Variants in CERS6 observed in about 807,000 individuals in gnomAD.
CERS6 encodes the protein LAG1 homolog, ceramide synthase 6.
Under a neutral mutation model 56.8 loss-of-function variants are expected in CERS6, and 26 were observed. The observed-to-expected ratio is 0.46, with a 90% CI of 0.34 to 0.63. The LOEUF is 0.63. Among genes scored for constraint, CERS6 ranks in the 30% least tolerant of loss-of-function variants. The pLI, the probability that CERS6 is intolerant of heterozygous loss-of-function variation, is 0.01. For missense variants in CERS6, 415 were observed against 467.5 expected (o/e 0.89, Z 1.04); for synonymous variants, 164 against 173.3 (o/e 0.95, Z 0.42).
intron 6 of CERS6, among the ~76,000 whole-genome samples, chr2:168,709,270 T>C (rs146625633): frequency 7.2e-4 from 110 of 152,258 alleles, no homozygotes; most frequent in African/African-American, 2.2e-3. Context: ...GAAACTTTTC[T>C]AGGTTCCCTA....
At chr2:168,699,432 T>G (rs532587766) in intron 6 of CERS6, among the ~76,000 whole-genome samples, 11 of 152,292 alleles carry the variant, frequency 7.2e-5, no homozygotes, top group African/African-American at 2.6e-4. Flanking sequence ...TCAATGGCCA[T>G]TTTCAAACAG....
At chr2:168,459,983 G>A (rs1277901208) in intron 1 of CERS6, among the ~76,000 whole-genome samples, 1 of 152,096 alleles carries the variant, frequency 6.6e-6, no homozygotes, top group Non-Finnish European at 1.5e-5. Context: ...GTATAGATCG[G>A]GAATCAGAAC....
intron 4 of CERS6, among the ~76,000 whole-genome samples, chr2:168,672,088 C>T (rs1299704856): frequency 6.6e-6 from 1 of 152,188 alleles, no homozygotes; most frequent in Non-Finnish European, 1.5e-5. Context: ...GGAGTGAGTA[C>T]AGTGTCATTG....
chr2:168,560,236 A>G (rs1435629074), intron 2 of CERS6, among the ~76,000 whole-genome samples: 1 of 152,186 alleles, frequency 6.6e-6, no homozygotes, highest in Non-Finnish European at 1.5e-5. Context: ...CAGCACAGGA[A>G]AGATCTGCCC....
chr2:168,486,075 A>G (rs1445000645), intron 1 of CERS6, among the ~76,000 whole-genome samples: 1 of 152,058 alleles, frequency 6.6e-6, no homozygotes, highest in Non-Finnish European at 1.5e-5. Context: ...TATCTTATCA[A>G]TTTAATTTGC....
intron 1 of CERS6, among the ~76,000 whole-genome samples, chr2:168,521,119 T>C (rs1426482752): frequency 6.6e-6 from 1 of 152,206 alleles, no homozygotes; most frequent in African/African-American, 2.4e-5. Flanking sequence ...CTTCAGAGAA[T>C]AAATCTGAGC....
At chr2:168,545,197 A>AT (rs960412255) in intron 1 of CERS6, among the ~76,000 whole-genome samples, 12 of 152,150 alleles carry the variant, frequency 7.9e-5, no homozygotes, top group African/African-American at 2.9e-4. Flanking sequence ...AATTATAATA[A>AT]TTTTTTCACA....
chr2:168,717,819 C>A, intron 7 of CERS6, 53 bp from the exon 8 acceptor site: 3 of 1,385,294 alleles, frequency 2.2e-6, no homozygotes, highest in Non-Finnish European at 3.0e-6. Flanking sequence ...TTGAAAGAAA[C>A]TTTTTATTAT....
intron 1 of CERS6, among the ~76,000 whole-genome samples, chr2:168,494,891 G>T (rs1279647559): frequency 6.6e-6 from 1 of 152,068 alleles, no homozygotes; most frequent in Non-Finnish European, 1.5e-5. Flanking sequence ...GTGGGCCAGG[G>T]GTTCAGATGT....
At chr2:168,732,944 T>C (rs1224997021) in intron 8 of CERS6, among the ~76,000 whole-genome samples, 1 of 152,086 alleles carries the variant, frequency 6.6e-6, no homozygotes, top group Admixed American at 6.6e-5. Flanking sequence ...AATATATATA[T>C]ATCAAATAGC....
At chr2:168,689,395 T>G (rs987953788) in intron 4 of CERS6, among the ~76,000 whole-genome samples, 1 of 152,218 alleles carries the variant, frequency 6.6e-6, no homozygotes, top group South Asian at 2.1e-4. Context: ...ATCATGTTTA[T>G]ATTACATAGG....
At chr2:168,678,306 C>A (rs1479815281) in intron 4 of CERS6, among the ~76,000 whole-genome samples, 2 of 152,126 alleles carry the variant, frequency 1.3e-5, no homozygotes, top group Admixed American at 1.3e-4. Context: ...TACTGTCAGG[C>A]CTACGGGAGC....
At chr2:168,501,394 G>A (rs75838691) in intron 1 of CERS6, among the ~76,000 whole-genome samples, 6,083 of 152,302 alleles carry the variant, frequency 0.04, 222 homozygotes, top group East Asian at 0.18. Flanking sequence ...TCAATAGGTT[G>A]GAGGTCGTGA....
intron 1 of CERS6, among the ~76,000 whole-genome samples, chr2:168,544,710 A>C (rs565246602): frequency 6.6e-6 from 1 of 152,094 alleles, no homozygotes; most frequent in Non-Finnish European, 1.5e-5. Flanking sequence ...GAGTCACCAC[A>C]ATTTTATGTC....
chr2:168,620,755 T>C (rs1388955990), intron 3 of CERS6, among the ~76,000 whole-genome samples: 1 of 143,778 alleles, frequency 7.0e-6, no homozygotes, highest in Admixed American at 6.8e-5. Context: ...GAAGGGGAAA[T>C]TCACCTTTTT....
intron 1 of CERS6, among the ~76,000 whole-genome samples, chr2:168,471,881 G>A (rs1158297012): frequency 2.0e-5 from 3 of 152,148 alleles, no homozygotes; most frequent in Non-Finnish European, 4.4e-5. Flanking sequence ...TATATTTTGG[G>A]TGTTGAGAAG....
intron 8 of CERS6, among the ~76,000 whole-genome samples, chr2:168,743,240 G>C (rs1683979345): frequency 6.6e-6 from 1 of 150,990 alleles, no homozygotes; most frequent in African/African-American, 2.5e-5. Flanking sequence ...ATATATGTGT[G>C]TGTGTATATA....
intron 6 of CERS6, among the ~76,000 whole-genome samples, chr2:168,697,593 G>A (rs899279957): frequency 4.0e-5 from 6 of 148,932 alleles, no homozygotes; most frequent in African/African-American, 1.2e-4. Flanking sequence ...GATGCACAGA[G>A]TGAGTTTATG....
intron 4 of CERS6, among the ~76,000 whole-genome samples, chr2:168,688,859 A>G (rs1247147462): frequency 6.6e-6 from 1 of 152,180 alleles, no homozygotes; most frequent in Admixed American, 6.5e-5. Context: ...GGCATCGGGC[A>G]TGCAATGAAA....
Sources: gnomAD v4.1 joint callset for allele counts (sites outside exome capture counted in the v4.1 genomes callset) on GRCh38, gnomAD v4.1.1 for gene constraint, MANE v1.5 for transcripts, NCBI Gene and HGNC (gene_info 2026-07-23, HGNC 2026-07-21) for gene names.